Variants in LY86 observed in about 807,000 individuals in gnomAD.
The protein encoded by LY86 is lymphocyte antigen 86, also known as MD-1, RP105-associated.
A neutral mutation model predicts 17.3 loss-of-function variants in LY86; 20 were observed. The ratio of observed to expected loss-of-function variants is 1.15; its 90% CI spans 0.81 to 1.68. The LOEUF (loss-of-function observed/expected upper bound fraction) is 1.68, where lower values mean the gene tolerates loss of function less well. Ranked by LOEUF, LY86 falls within the 40% of genes most tolerant of loss-of-function variation. LY86 has a pLI of 0.00. For missense variants in LY86, 200 were observed against 191.9 expected, an observed-to-expected ratio of 1.04 and a Z score of -0.25; for synonymous variants, 74 against 70.6, an observed-to-expected ratio of 1.05 and a Z score of -0.24.
intron 3 of LY86, among the ~76,000 whole-genome samples, chr6:6,636,807 C>A (rs542566822): frequency 3.1e-4 from 47 of 151,724 alleles, no homozygotes; most frequent in Middle Eastern, 3.4e-3. Context: ...AAATACCAGG[C>A]AGCTGCTGCT....
At chr6:6,604,729 T>G (rs2326806) in intron 1 of LY86, among the ~76,000 whole-genome samples, 104,837 of 151,940 alleles carry the variant, frequency 0.69, 38,115 homozygotes, top group East Asian at 0.81. Flanking sequence ...TGGGGGTCTC[T>G]CCACCAGGCT....
In LY86 at chr6:6,654,793, C is replaced by G; in HGVS notation, c.*166C>G. ...TAATTTTAGTCCCAGGACCAGACAT[C>G]CCCAGACTCCACAGATGTAATGAAG... On this transcript the variant is annotated 3_prime_UTR_variant, in exon 5 of 5. Transcript: ENST00000230568. The G allele has an allele frequency of 1.6e-6, 1 of 610,244 alleles. No individual in the cohort carries two copies. Among genetic ancestry groups the G allele is most frequent in the Non-Finnish European group, 2.9e-6 (1 of 343,488 alleles). The allele number at this position is 610,244 out of a possible 1,614,324, so 37.8% of individuals were successfully genotyped here.
chr6:6,611,927 C>G (rs1285860164), intron 1 of LY86, among the ~76,000 whole-genome samples: 2 of 152,224 alleles, frequency 1.3e-5, no homozygotes, highest in Admixed American at 6.5e-5. Flanking sequence ...GTTCTGCCAG[C>G]TGCTCTTAAC....
At chr6:6,628,390 G>T (rs1390051856) in intron 3 of LY86, among the ~76,000 whole-genome samples, 1 of 148,732 alleles carries the variant, frequency 6.7e-6, no homozygotes, top group Non-Finnish European at 1.5e-5. Context: ...ACATACCTGC[G>T]GCATCAGCCT....
intron 1 of LY86, among the ~76,000 whole-genome samples, chr6:6,612,170 T>C (rs974450422): frequency 6.9e-6 from 1 of 145,888 alleles, no homozygotes; most frequent in Non-Finnish European, 1.5e-5. Context: ...ATTTGGGGGT[T>C]CTTGGTCTCA....
In LY86 at chr6:6,598,840, T is replaced by C. The variant is rs148349342; in HGVS notation, c.136+9970T>C. ...GTGATTTACAGGACATGCTGAACTT[T>C]GTCTGCATGGTCAAGGTTAATCCTT... On this transcript the variant is annotated intron_variant, in intron 1 of 4. Transcript: ENST00000230568. 3.8e-3 allele frequency among the ~76,000 whole-genome samples: 586 copies of C among 152,342 alleles called. 2 individuals are homozygous for C. Among genetic ancestry groups the C allele is most frequent in the African/African-American group, 0.013 (552 of 41,576 alleles).
intron 1 of LY86, among the ~76,000 whole-genome samples, chr6:6,605,549 C>T (rs1048180586): frequency 1.3e-5 from 2 of 152,280 alleles, no homozygotes; most frequent in African/African-American, 4.8e-5. Context: ...AACATGGCAA[C>T]GTGCTTCCCA....
At chr6:6,605,243 G>C (rs1162601134) in intron 1 of LY86, among the ~76,000 whole-genome samples, 3 of 151,946 alleles carry the variant, frequency 2.0e-5, no homozygotes, top group Admixed American at 2.0e-4. Flanking sequence ...CTAAAATTTG[G>C]CAGTTAAAAA....
chr6:6,606,051 C>T (rs915629713), intron 1 of LY86, among the ~76,000 whole-genome samples: 3 of 152,232 alleles, frequency 2.0e-5, no homozygotes, highest in South Asian at 2.1e-4. Flanking sequence ...AAGCAGGTTA[C>T]TGCTGCTAGC....
In LY86 at chr6:6,616,312, G is replaced by A. The variant is rs142237134; in HGVS notation, c.137-8614G>A. 1.7e-3 allele frequency among the ~76,000 whole-genome samples: 254 copies of A among 152,262 alleles called. 1 individual carries two copies. The highest frequency in any genetic ancestry group is 5.0e-3 in the African/African-American group (206 of 41,538). ...CGGCACACATATCTGGACTCGTTTC[G>A]CCTCCATCTAAAGCTCTGCTTCTGT... On this transcript the variant is annotated intron_variant, in intron 1 of 4. Transcript: ENST00000230568.
chr6:6,634,385 T>C (rs1581249666), intron 3 of LY86, among the ~76,000 whole-genome samples: 1 of 152,348 alleles, frequency 6.6e-6, no homozygotes, highest in Non-Finnish European at 1.5e-5. Context: ...AAGTGAGAAA[T>C]ACATTATAAT....
chr6:6,637,994 C>G (rs1214509633), intron 3 of LY86, among the ~76,000 whole-genome samples: 1 of 152,196 alleles, frequency 6.6e-6, no homozygotes, highest in African/African-American at 2.4e-5. Flanking sequence ...AGTTAGGTAT[C>G]TCTCAGAGGG....
intron 1 of LY86, among the ~76,000 whole-genome samples, chr6:6,613,619 T>G (rs1359443901): frequency 3.3e-5 from 5 of 152,098 alleles, no homozygotes; most frequent in Non-Finnish European, 1.5e-5. Flanking sequence ...GGTTCCCGCC[T>G]GCGCTTCCCC....
At chr6:6,614,747 A>G (rs974919813) in intron 1 of LY86, among the ~76,000 whole-genome samples, 44 of 152,064 alleles carry the variant, frequency 2.9e-4, no homozygotes, top group Non-Finnish European at 4.0e-4. Flanking sequence ...TGAAACAGAA[A>G]AAAAAAATGC....
intron 1 of LY86, among the ~76,000 whole-genome samples, chr6:6,613,858 C>T (rs998871302): frequency 6.6e-6 from 1 of 152,228 alleles, no homozygotes. Context: ...TCAGTCACTC[C>T]TCGAACACTT....
intron 3 of LY86, among the ~76,000 whole-genome samples, chr6:6,626,739 C>T (rs1761795447): frequency 6.6e-6 from 1 of 152,078 alleles, no homozygotes; most frequent in Admixed American, 6.5e-5. Context: ...TCCAAAAATC[C>T]ATTGAGGTTC....
chr6:6,620,449 ACAGG>A (rs1761646782), intron 1 of LY86, among the ~76,000 whole-genome samples: 1 of 152,268 alleles, frequency 6.6e-6, no homozygotes. Flanking sequence ...CGCAGAGGCC[ACAGG>A]GGGCGGAGCT....
At chr6:6,641,679 A>T (rs1036014590) in intron 3 of LY86, among the ~76,000 whole-genome samples, 38 of 152,234 alleles carry the variant, frequency 2.5e-4, no homozygotes, top group African/African-American at 9.2e-4. Flanking sequence ...CAAACGTACC[A>T]GCAGCCAGGT....
intron 3 of LY86, among the ~76,000 whole-genome samples, chr6:6,630,940 A>G (rs905830558): frequency 6.6e-5 from 10 of 152,186 alleles, no homozygotes; most frequent in Admixed American, 6.5e-4. Flanking sequence ...TAATATTTGG[A>G]ATATACTGAG....
Sources: allele counts gnomAD v4.1 joint callset (sites outside exome capture counted in the v4.1 genomes callset), GRCh38; gene constraint gnomAD v4.1.1; transcripts MANE v1.5; gene names NCBI Gene and HGNC (gene_info 2026-07-23, HGNC 2026-07-21).